MTR: variants seen among roughly 807,000 people sequenced by gnomAD.
MTR encodes 5-methyltetrahydrofolate-homocysteine methyltransferase.
Under a neutral mutation model 154.8 loss-of-function variants are expected in MTR, and 84 were observed. The observed-to-expected ratio is 0.54, with a 90% confidence interval of 0.45 to 0.65. The LOEUF is 0.65. MTR is among the 30% of genes least tolerant of loss of function. The probability of loss-of-function intolerance (pLI) is 0.00; values close to 1 mark genes in which losing one functional copy is unlikely to be tolerated. For synonymous variants in MTR, 554 were observed against 553.9 expected (o/e 1.00, Z 0.00); for missense variants, 1,275 against 1,570.2 (o/e 0.81, Z 3.18).
chr1:236,866,216 G>A (rs902003001), intron 22 of MTR, among the ~76,000 whole-genome samples: 4 of 152,078 alleles, frequency 2.6e-5, no homozygotes, highest in East Asian at 1.9e-4. Flanking sequence ...CCAATAGCAT[G>A]TGCTCATTTC....
intron 22 of MTR, among the ~76,000 whole-genome samples, chr1:236,867,737 CTT>C (rs1294538775): frequency 6.6e-6 from 1 of 152,108 alleles, no homozygotes; most frequent in Admixed American, 6.5e-5. Context: ...TCATAGATGA[CTT>C]TGAGGGATTC....
At chr1:236,815,575 A>G in intron 6 of MTR, 29 bp from the exon 7 acceptor site, 1 of 1,612,492 alleles carries the variant, frequency 6.2e-7, no homozygotes, top group Non-Finnish European at 8.5e-7. Flanking sequence ...TCTCAGAAAT[A>G]AAGACGTTCT....
At chr1:236,890,641 C>T (rs1666264831) in intron 28 of MTR, among the ~76,000 whole-genome samples, 1 of 152,150 alleles carries the variant, frequency 6.6e-6, no homozygotes, top group Non-Finnish European at 1.5e-5. Context: ...GTTGAAGGCC[C>T]CAAATTGAAG....
chr1:236,883,887 AC>A (rs1268265890), intron 25 of MTR, among the ~76,000 whole-genome samples: 1 of 152,086 alleles, frequency 6.6e-6, no homozygotes, highest in African/African-American at 2.4e-5. Flanking sequence ...AAGATGTTGA[AC>A]TTTCTTGCCT....
At position 236,817,973 on chromosome 1, in the gene MTR, C is replaced by T. The variant is rs1235870889; in HGVS notation, c.764+1430C>T. 2.0e-5 allele frequency among the ~76,000 whole-genome samples: 3 copies of T among 151,920 alleles called. No individual in the cohort carries two copies. In the East Asian group the frequency reaches 5.8e-4, roughly 29 times the overall value. The stretch of plus-strand genomic sequence containing the variant: ...TGGCACATAGTAGGGATGTCATAAA[C>T]GTTTAACAAAAAAACTGAGGGTAGG... On this transcript the variant is annotated intron_variant, in intron 8 of 32. Coordinates refer to ENST00000366577, the MANE Select transcript of MTR (RefSeq NM_000254.3).
chr1:236,860,537 G>A (rs369416668), intron 19 of MTR, among the ~76,000 whole-genome samples: 1 of 152,144 alleles, frequency 6.6e-6, no homozygotes, highest in East Asian at 1.9e-4. Context: ...AGTGGGGCTT[G>A]TCATTGAAGG....
chr1:236,893,200 C>T (rs974724682), intron 29 of MTR, among the ~76,000 whole-genome samples: 1 of 152,172 alleles, frequency 6.6e-6, no homozygotes, highest in African/African-American at 2.4e-5. Context: ...GCCGAGTATA[C>T]CTGGAAAACG....
intron 15 of MTR, among the ~76,000 whole-genome samples, chr1:236,842,974 T>C (rs921433045): frequency 2.0e-5 from 3 of 150,752 alleles, no homozygotes; most frequent in Admixed American, 6.6e-5. Flanking sequence ...TAATCCTAGC[T>C]ACTGGGGAGG....
At chr1:236,824,587 G>T (rs1572217180) in intron 9 of MTR, among the ~76,000 whole-genome samples, 1 of 152,112 alleles carries the variant, frequency 6.6e-6, no homozygotes, top group Non-Finnish European at 1.5e-5. Context: ...AATCTTGTGT[G>T]GTGTTACCTT....
chr1:236,877,868 C>G lies in MTR; in HGVS notation c.2595-2887C>G, dbSNP rs1254631175. Among the ~76,000 whole-genome samples the G allele has an allele frequency of 3.9e-5, 6 of 152,294 alleles. No individual in the cohort carries two copies. The East Asian group carries it at 1.2e-3, about 29-fold the overall frequency. On this transcript the variant is annotated intron_variant, in intron 24 of 32. Transcript: ENST00000366577. Reference sequence around the variant, plus strand: ...AGCAATTGTGAAAGTTCCAGTTATTCCACGTTCTTTTCAATGGTATCCCTT... The same window carrying G: ...AGCAATTGTGAAAGTTCCAGTTATTGCACGTTCTTTTCAATGGTATCCCTT...
rs201521817 is a variant in MTR at position 236,880,823 on chromosome 1, A to G, written c.2663A>G (p.Lys888Arg). The G allele has an allele frequency of 2.5e-6, 4 of 1,613,996 alleles. No homozygotes were observed. Among genetic ancestry groups the G allele is most frequent in the Non-Finnish European group, 3.4e-6 (4 of 1,179,850 alleles). ...GTAATCCATGTCCTGGACGCGTCCA[A>G]GAGTGTGGTGGTGGTAAGTGGGTGA... The part of the protein sequence containing the change: ...APVIHVLDAS[K>R]SVVVCSQLLD... Residue 888 changes from lysine to arginine, a missense_variant, in exon 25 of 33, where the codon AAG becomes AGG. Coordinates refer to ENST00000366577, the MANE Select transcript of MTR (RefSeq NM_000254.3).
intron 27 of MTR, among the ~76,000 whole-genome samples, chr1:236,886,859 T>C (rs1666037584): frequency 1.3e-5 from 2 of 152,224 alleles, no homozygotes; most frequent in South Asian, 2.1e-4. Context: ...ATGTCTAAAA[T>C]GGGAAACGCC....
At chr1:236,827,404 A>G (rs866885586) in intron 11 of MTR, among the ~76,000 whole-genome samples, 20 of 152,174 alleles carry the variant, frequency 1.3e-4, no homozygotes, top group African/African-American at 4.1e-4. Context: ...GGACCTCTAT[A>G]TGCCTGTCAC....
In MTR at chr1:236,795,575, G is replaced by A; in HGVS notation, c.-129G>A. 1 of 1,574,006 alleles carries A rather than the reference G, an allele frequency of 6.4e-7. No individual in the cohort carries two copies. The highest frequency in any genetic ancestry group is 1.3e-5 in the African/African-American group (1 of 74,210). On this transcript the variant is annotated 5_prime_UTR_variant, in exon 1 of 33. Transcript: ENST00000366577. ...CCCCCGCGACGCGAGCCAACGGGAG[G>A]CGTCAAAAGACCCGGGCCTTGTGTG...
At chr1:236,836,852 G>A (rs1175764838) in intron 14 of MTR, among the ~76,000 whole-genome samples, 1 of 152,154 alleles carries the variant, frequency 6.6e-6, no homozygotes, top group Non-Finnish European at 1.5e-5. Flanking sequence ...ATTGGGAAGA[G>A]GGTAGACTCG....
rs756630476 is a variant in MTR, at chr1:236,835,504, T to C, written c.1189-43T>C. 3.2e-5 allele frequency: 51 copies of C among 1,611,650 alleles called. No individual in the cohort carries two copies. In the East Asian group the frequency reaches 1.1e-3, roughly 34 times the overall value. On this transcript the variant is annotated intron_variant, in intron 13 of 32. Coordinates refer to ENST00000366577, the MANE Select transcript of MTR (RefSeq NM_000254.3). Reference sequence around the variant, plus strand: ...TTACCTCATTAGCCTTTTCTCCTAGTAACTGTCTCCTAATGCTGCTTCCTC... The same window carrying C: ...TTACCTCATTAGCCTTTTCTCCTAGCAACTGTCTCCTAATGCTGCTTCCTC...
chr1:236,823,791 C>T (rs1662113251), intron 8 of MTR, among the ~76,000 whole-genome samples: 1 of 54,986 alleles, frequency 1.8e-5, no homozygotes, highest in Non-Finnish European at 3.4e-5. Flanking sequence ...GCTTTCAGGT[C>T]AGATCTTTTT....
chr1:236,843,065 G>A (rs1327546081), intron 15 of MTR, among the ~76,000 whole-genome samples: 1 of 144,554 alleles, frequency 6.9e-6, no homozygotes, highest in Non-Finnish European at 1.5e-5. Flanking sequence ...CAGCCTGAGT[G>A]ACAGAGTGAG....
intron 15 of MTR, among the ~76,000 whole-genome samples, chr1:236,845,086 C>T (rs1012451229): frequency 6.6e-6 from 1 of 152,186 alleles, no homozygotes; most frequent in African/African-American, 2.4e-5. Context: ...GCGGCCATTG[C>T]ATTTTACAGT....
Sources: gnomAD v4.1 joint callset for allele counts (sites outside exome capture counted in the v4.1 genomes callset) on GRCh38, gnomAD v4.1.1 for gene constraint, MANE v1.5 for transcripts, NCBI Gene and HGNC (gene_info 2026-07-23, HGNC 2026-07-21) for gene names.